Variants in GRIK2 observed in about 807,000 individuals in gnomAD.
The protein encoded by GRIK2 is glutamate ionotropic receptor kainate type subunit 2, also known as glutamate receptor ionotropic, kainate 2.
In GRIK2, 32 loss-of-function variants were observed where a neutral mutation model predicts 100.3. The observed-to-expected ratio is 0.32, with a 90% CI of 0.24 to 0.43. The LOEUF is 0.43. GRIK2 is among the 20% of genes least tolerant of loss of function. The pLI, the probability that GRIK2 is intolerant of heterozygous loss-of-function variation, is 1.00. For synonymous variants in GRIK2, 417 were observed against 389.4 expected (o/e 1.07, Z -0.83); for missense variants, 843 against 1,114.9 (o/e 0.76, Z 3.47).
At chr6:101,463,096 A>C (rs1209940873) in intron 2 of GRIK2, among the ~76,000 whole-genome samples, 1 of 152,208 alleles carries the variant, frequency 6.6e-6, no homozygotes. Context: ...CATCTATCAA[A>C]GTGTTTTGCT....
At chr6:101,407,932 G>A (rs7755912) in intron 2 of GRIK2, among the ~76,000 whole-genome samples, 41,795 of 151,936 alleles carry the variant, frequency 0.28, 5,956 homozygotes, top group African/African-American at 0.37. Context: ...ACATTGTGTG[G>A]TAGAAAGAAG....
At chr6:101,524,089 A>G (rs1190278967) in intron 2 of GRIK2, among the ~76,000 whole-genome samples, 4 of 152,126 alleles carry the variant, frequency 2.6e-5, no homozygotes, top group Admixed American at 6.6e-5. Context: ...TCTGTTTGAT[A>G]ATGGTGTTTA....
intron 5 of GRIK2, among the ~76,000 whole-genome samples, chr6:101,678,757 G>A (rs1040981018): frequency 2.0e-5 from 3 of 152,164 alleles, no homozygotes; most frequent in Non-Finnish European, 4.4e-5. Flanking sequence ...CAGCTAGTCT[G>A]GCTTCATCCA....
intron 4 of GRIK2, among the ~76,000 whole-genome samples, chr6:101,642,545 A>C (rs954070961): frequency 7.9e-5 from 12 of 151,652 alleles, no homozygotes; most frequent in Non-Finnish European, 1.6e-4. Context: ...AGGTTCATCG[A>C]TGTTGCTGTG....
At chr6:101,943,585 A>G (rs1486689951) in intron 14 of GRIK2, among the ~76,000 whole-genome samples, 1 of 152,232 alleles carries the variant, frequency 6.6e-6, no homozygotes, top group African/African-American at 2.4e-5. Context: ...CTCTTGCATC[A>G]GCATACCCTG....
At chr6:101,896,446 A>AT (rs1381013659) in intron 12 of GRIK2, among the ~76,000 whole-genome samples, 2 of 151,764 alleles carry the variant, frequency 1.3e-5, no homozygotes, top group African/African-American at 4.8e-5. Context: ...TTTTTCTGTA[A>AT]TTTTCTGTAA....
intron 14 of GRIK2, among the ~76,000 whole-genome samples, chr6:101,945,262 G>A (rs1265459868): frequency 6.6e-6 from 1 of 152,064 alleles, no homozygotes; most frequent in Non-Finnish European, 1.5e-5. Flanking sequence ...TGTTTTCAGT[G>A]TAAAATTTAC....
chr6:101,864,820 G>T (rs752427175), intron 11 of GRIK2, among the ~76,000 whole-genome samples: 4 of 152,090 alleles, frequency 2.6e-5, no homozygotes, highest in Non-Finnish European at 5.9e-5. Flanking sequence ...TGTTATCAGA[G>T]AAAAGGGGCA....
chr6:101,836,995 G>T (rs2791817), intron 10 of GRIK2, among the ~76,000 whole-genome samples: 16,617 of 151,830 alleles, frequency 0.11, 1,933 homozygotes, highest in East Asian at 0.66. Flanking sequence ...AGCAGCACTG[G>T]TCCAGAATCT....
At chr6:101,972,324 G>T (rs1793102415) in intron 14 of GRIK2, among the ~76,000 whole-genome samples, 1 of 151,850 alleles carries the variant, frequency 6.6e-6, no homozygotes, top group African/African-American at 2.4e-5. Flanking sequence ...ATCTTATTGT[G>T]GTTTTGATTT....
At chr6:101,413,450 T>C (rs1253799403) in intron 2 of GRIK2, among the ~76,000 whole-genome samples, 1 of 152,164 alleles carries the variant, frequency 6.6e-6, no homozygotes, top group Non-Finnish European at 1.5e-5. Context: ...CAAATATTTA[T>C]TCAGCATTGG....
intron 15 of GRIK2, among the ~76,000 whole-genome samples, chr6:102,053,113 C>CACACAT (rs1238895449): frequency 6.6e-6 from 1 of 151,764 alleles, no homozygotes; most frequent in African/African-American, 2.4e-5. Flanking sequence ...CACACACACA[C>CACACAT]ATACATACAC....
At chr6:101,928,149 T>A (rs1790031600) in intron 13 of GRIK2, 2 of 423,932 alleles carry the variant, frequency 4.7e-6, no homozygotes, top group Non-Finnish European at 8.4e-6. Flanking sequence ...TACTCATTAA[T>A]ATTTTAATTG....
chr6:101,914,986 A>G (rs2852628), intron 12 of GRIK2, among the ~76,000 whole-genome samples: 141,771 of 151,310 alleles, frequency 0.94, 66,457 homozygotes, highest in Middle Eastern at 0.97. Flanking sequence ...ATCTAAGTAT[A>G]GAAAACGCAT....
intron 7 of GRIK2, among the ~76,000 whole-genome samples, chr6:101,744,082 A>G (rs1308681410): frequency 1.3e-5 from 2 of 151,964 alleles, no homozygotes; most frequent in Non-Finnish European, 2.9e-5. Flanking sequence ...AGCTGGGACT[A>G]TAGGCGCCCG....
intron 7 of GRIK2, among the ~76,000 whole-genome samples, chr6:101,744,095 A>T (rs1345536108): frequency 6.6e-6 from 1 of 151,932 alleles, no homozygotes; most frequent in Non-Finnish European, 1.5e-5. Flanking sequence ...GGCGCCCGCC[A>T]CCACGCCCGG....
At chr6:101,541,707 C>A (rs1179763691) in intron 2 of GRIK2, among the ~76,000 whole-genome samples, 5 of 151,956 alleles carry the variant, frequency 3.3e-5, no homozygotes, top group Non-Finnish European at 5.9e-5. Flanking sequence ...GCTTATGGAA[C>A]CCCCTTTCAT....
intron 15 of GRIK2, among the ~76,000 whole-genome samples, chr6:102,048,806 G>A (rs2782928): frequency 0.36 from 53,874 of 151,718 alleles, 10,046 homozygotes; most frequent in Middle Eastern, 0.46. Flanking sequence ...ACTACCTAAT[G>A]CTAGGTCATA....
At chr6:101,630,965 A>C (rs1413791961) in intron 4 of GRIK2, among the ~76,000 whole-genome samples, 1 of 152,010 alleles carries the variant, frequency 6.6e-6, no homozygotes, top group African/African-American at 2.4e-5. Context: ...TGATAATTAT[A>C]CTTTCATCCA....
Sources: allele counts gnomAD v4.1 joint callset (sites outside exome capture counted in the v4.1 genomes callset), GRCh38; gene constraint gnomAD v4.1.1; transcripts MANE v1.5; gene names NCBI Gene and HGNC (gene_info 2026-07-23, HGNC 2026-07-21).